Variants in FAT3 observed in about 807,000 individuals in gnomAD.
FAT3 encodes the protein protocadherin Fat 3.
In FAT3, 95 loss-of-function variants were observed where a neutral mutation model predicts 310.2. The ratio of observed to expected loss-of-function variants is 0.31; its 90% confidence interval spans 0.26 to 0.36. The LOEUF is 0.36. FAT3 is among the 10% of genes least tolerant of loss of function. FAT3 has a pLI of 1.00. For synonymous variants in FAT3, 2,314 were observed against 2,192.9 expected (o/e 1.06, Z -1.54); for missense variants, 5,408 against 5,715.6 (o/e 0.95, Z 1.74).
chr11:92,344,371 C>T (rs1316257524), intron 1 of FAT3, among the ~76,000 whole-genome samples: 1 of 152,178 alleles, frequency 6.6e-6, no homozygotes, highest in Non-Finnish European at 1.5e-5. Context: ...CGTGTCCATG[C>T]TGTGCATGTT....
intron 2 of FAT3, among the ~76,000 whole-genome samples, chr11:92,443,813 G>T (rs1951139717): frequency 6.6e-6 from 1 of 152,072 alleles, no homozygotes; most frequent in Admixed American, 6.6e-5. Context: ...GAGGAGGAGT[G>T]AGGAGGAGGA....
intron 3 of FAT3, among the ~76,000 whole-genome samples, chr11:92,559,248 A>G (rs896921906): frequency 6.6e-6 from 1 of 152,050 alleles, no homozygotes; most frequent in South Asian, 2.1e-4. Context: ...ACCACAATGT[A>G]TTTTAGAACA....
Position 92,781,285 on chromosome 11 carries a change from G to T in FAT3, c.4335+7105G>T, listed in dbSNP as rs370527561. 2.0e-5 allele frequency among the ~76,000 whole-genome samples: 3 copies of T among 151,560 alleles called. No homozygotes were observed. The East Asian group carries it at 5.8e-4, about 29-fold the overall frequency. ...TTAGTAGAGATGGGATTATCCCCAT[G>T]TTGGCCAGGCTGGTCTCAAACTCCT... On this transcript the variant is annotated intron_variant, in intron 7 of 27. Coordinates refer to ENST00000525166, the MANE Select transcript of FAT3 (RefSeq NM_001367949.2).
At chr11:92,428,832 G>T (rs1004483488) in intron 2 of FAT3, among the ~76,000 whole-genome samples, 1 of 152,146 alleles carries the variant, frequency 6.6e-6, no homozygotes, top group Non-Finnish European at 1.5e-5. Flanking sequence ...GTGCTATGTG[G>T]TGCTGAGATG....
intron 1 of FAT3, among the ~76,000 whole-genome samples, chr11:92,339,991 A>G (rs1948203610): frequency 2.0e-5 from 3 of 151,652 alleles, no homozygotes; most frequent in Admixed American, 2.0e-4. Context: ...GGGCCCCTGT[A>G]GTCCCAGCTA....
chr11:92,722,020 C>A (rs564686812), intron 4 of FAT3, among the ~76,000 whole-genome samples: 5 of 152,028 alleles, frequency 3.3e-5, no homozygotes, highest in Non-Finnish European at 7.4e-5. Context: ...ATATCATTCT[C>A]CCCTGGCCCC....
chr11:92,886,809 A>G (rs1949807174), intron 24 of FAT3, 191 bp from the exon 25 acceptor site: 2 of 579,646 alleles, frequency 3.5e-6, no homozygotes, highest in East Asian at 5.8e-5. Flanking sequence ...CGAATCCATA[A>G]TGTAAATCAC....
chr11:92,525,018 T>C, intron 3 of FAT3, 70 bp downstream of exon 3: 1 of 1,249,068 alleles, frequency 8.0e-7, no homozygotes, highest in Non-Finnish European at 1.1e-6. Context: ...CCTGACACTT[T>C]CTGTACTCAT....
In FAT3 at chr11:92,422,181, C is replaced by T. The variant is rs73548467; in HGVS notation, c.3292+66777C>T. On this transcript the variant is annotated intron_variant, in intron 2 of 27. Coordinates refer to ENST00000525166, the MANE Select transcript of FAT3 (RefSeq NM_001367949.2). The stretch of plus-strand genomic sequence containing the variant: ...CTTTGGAGTACATCTAGTTCTCCTT[C>T]CAATGACCAGTGAGAAAGACAAGTT... Among the ~76,000 whole-genome samples, 1,330 of 152,264 alleles carry T rather than the reference C, an allele frequency of 8.7e-3. 13 individuals carry two copies. The highest frequency in any genetic ancestry group is 0.031 in the African/African-American group (1,288 of 41,544).
intron 2 of FAT3, chr11:92,366,982 C>A: frequency 1.9e-6 from 1 of 523,892 alleles, no homozygotes; most frequent in Non-Finnish European, 3.8e-6. Flanking sequence ...ACCCATAGTG[C>A]CCTTATTGAG....
intron 4 of FAT3, among the ~76,000 whole-genome samples, chr11:92,739,791 G>A (rs910469793): frequency 6.6e-6 from 1 of 152,154 alleles, no homozygotes; most frequent in African/African-American, 2.4e-5. Context: ...CTGAAACATG[G>A]TTTGGGAATA....
intron 2 of FAT3, among the ~76,000 whole-genome samples, chr11:92,477,475 C>G (rs181119427): frequency 6.6e-6 from 1 of 152,238 alleles, no homozygotes; most frequent in Admixed American, 6.5e-5. Flanking sequence ...TTTATAAGTA[C>G]TTGTTCTTAT....
intron 3 of FAT3, among the ~76,000 whole-genome samples, chr11:92,584,398 A>G (rs1939017903): frequency 6.6e-6 from 1 of 152,052 alleles, no homozygotes; most frequent in Non-Finnish European, 1.5e-5. Context: ...AGTGGTTTTC[A>G]TCGTACAGAA....
At position 92,302,699 on chromosome 11, in the gene FAT3, T is replaced by A. The variant is rs546637005; in HGVS notation, c.-17-49397T>A. ...ACAGAACTCATAGTCCTACTTTGAA[T>A]GAGAAGTACTCTCAATTTGGAATTA... On this transcript the variant is annotated intron_variant, in intron 1 of 27. Coordinates refer to ENST00000525166, the MANE Select transcript of FAT3 (RefSeq NM_001367949.2). Among the ~76,000 whole-genome samples, 68 of 152,150 alleles carry A rather than the reference T, an allele frequency of 4.5e-4. 1 individual carries two copies. The highest frequency in any genetic ancestry group is 7.1e-4 in the Non-Finnish European group (48 of 68,018).
chr11:92,446,989 T>G (rs1473158550), intron 2 of FAT3, among the ~76,000 whole-genome samples: 2 of 152,176 alleles, frequency 1.3e-5, no homozygotes, highest in African/African-American at 4.8e-5. Flanking sequence ...TTACCTGGAT[T>G]ATAAGCATTC....
intron 1 of FAT3, among the ~76,000 whole-genome samples, chr11:92,244,591 G>A (rs1382136630): frequency 6.6e-6 from 1 of 152,098 alleles, no homozygotes; most frequent in Non-Finnish European, 1.5e-5. Context: ...CTAAAGTCCT[G>A]GGGATTGTCC....
In FAT3 at chr11:92,878,657, AAAAAAAAAAAG is replaced by A. The variant is rs1261872448; in HGVS notation, c.12128-2073_12128-2063del. Among the ~76,000 whole-genome samples, 648 of 101,356 alleles carry A rather than the reference AAAAAAAAAAAG, an allele frequency of 6.4e-3. 31 individuals are homozygous for A. Among genetic ancestry groups the A allele is most frequent in the African/African-American group, 0.019 (307 of 16,532 alleles). 66.5% of individuals were successfully genotyped at this position (101,356 alleles called of 152,430 possible). On this transcript the variant is annotated intron_variant, in intron 22 of 27. Coordinates refer to ENST00000525166, the MANE Select transcript of FAT3 (RefSeq NM_001367949.2). ...GTTAAAAAAAAAAAAAAAAAAAAAAAAAAAAAAAAAGCTCCGCACAAAAAAAGTTCTTGGAA... is the reference window on the plus strand; with the variant it reads ...GTTAAAAAAAAAAAAAAAAAAAAAAACTCCGCACAAAAAAAGTTCTTGGAA...
intron 1 of FAT3, among the ~76,000 whole-genome samples, chr11:92,261,728 G>C (rs2134308065): frequency 6.6e-6 from 1 of 152,044 alleles, no homozygotes; most frequent in Middle Eastern, 3.4e-3. Context: ...ATTCTTGATT[G>C]CTCCAGAGGT....
At chr11:92,867,285 C>T (rs1339110765) in intron 22 of FAT3, 76 bp downstream of exon 22, 3 of 1,355,614 alleles carry the variant, frequency 2.2e-6, no homozygotes, top group South Asian at 1.4e-5. Flanking sequence ...GGATCCCTGC[C>T]CTCCCAACGC....
Sources: gnomAD v4.1 joint callset for allele counts (sites outside exome capture counted in the v4.1 genomes callset) on GRCh38, gnomAD v4.1.1 for gene constraint, MANE v1.5 for transcripts, NCBI Gene and HGNC (gene_info 2026-07-23, HGNC 2026-07-21) for gene names.